AGXT: variants seen among roughly 807,000 people sequenced by gnomAD.
AGXT encodes L-alanine: glyoxylate aminotransferase 1.
A neutral mutation model predicts 46.9 loss-of-function variants in AGXT; 41 were observed. That is an observed-to-expected ratio of 0.88 (90% CI 0.68 to 1.14). The LOEUF (loss-of-function observed/expected upper bound fraction) is 1.14, where lower values mean the gene tolerates loss of function less well. Ranked by LOEUF, AGXT falls within the 50% of genes most tolerant of loss-of-function variation. The pLI is 0.00. For synonymous variants in AGXT, 244 were observed against 227.9 expected (o/e 1.07, Z -0.64); for missense variants, 525 against 522.7 (o/e 1.00, Z -0.04).
chr2:240,876,010 T>A lies in AGXT; in HGVS notation c.846+6T>A. 2 of 1,613,894 alleles carry A rather than the reference T, an allele frequency of 1.2e-6. No homozygotes were observed. Among genetic ancestry groups the A allele is most frequent in the Non-Finnish European group, 1.7e-6 (2 of 1,179,846 alleles). On this transcript the variant is annotated splice_donor_region_variant and intron_variant, in intron 8 of 10. Transcript: ENST00000307503. The stretch of plus-strand genomic sequence containing the variant: ...TGGCCCTCATTGCGGAACAGGTGCA[T>A]GGGCTGCACTCCACAGGAGGAGACA...
chr2:240,869,357 G>A lies in AGXT; in HGVS notation c.353G>A (p.Arg118His), dbSNP rs138025751. Residue 118 changes from arginine (R) to histidine (H), a missense_variant, in exon 2 of 11, where the codon CGC becomes CAC. Coordinates refer to ENST00000307503, the MANE Select transcript of AGXT (RefSeq NM_000030.3). ...WGQRAVDIGERIGARVHPMTK... is the reference protein window; with the variant it reads ...WGQRAVDIGEHIGARVHPMTK... ...CAGCGAGCCGTGGACATCGGGGAGC[G>A]CATAGGTAAGGGAGAGGCCCAGGTG... The A allele has an allele frequency of 3.8e-5, 61 of 1,589,976 alleles. No homozygotes were observed. The highest frequency in any genetic ancestry group is 1.7e-4 in the Middle Eastern group (1 of 5,922).
intron 2 of AGXT, 135 bp from the exon 3 acceptor site, chr2:240,870,509 C>T (rs751716977): frequency 3.1e-5 from 31 of 1,010,644 alleles, no homozygotes; most frequent in Non-Finnish European, 4.5e-5. Flanking sequence ...CCCTCCTCTT[C>T]AGGCAGGCAG....
At position 240,880,220 on chromosome 2, in the gene AGXT, C is replaced by T. The variant is rs1318051317; in HGVS notation, c.*1399C>T. 6.6e-6 allele frequency: 1 copy of T among 152,204 alleles called. No individual in the cohort carries two copies. Among genetic ancestry groups the T allele is most frequent in the Admixed American group, 6.5e-5 (1 of 15,286 alleles). The allele number at this position is 152,204 out of a possible 1,614,324, so 9.4% of individuals were successfully genotyped here. A position where few individuals can be genotyped will look rare whatever the true frequency, so the allele number is the denominator to read the frequency against. ...ACTGCCACGAAATTCTCCGAAGTGG[C>T]TCTTCCATGTTTCATTCCCGCAGCT... is the stretch of plus-strand genomic sequence containing the variant. On this transcript the variant is annotated 3_prime_UTR_variant, in exon 11 of 11. Transcript: ENST00000307503.
At chr2:240,871,544 G>C in intron 4 of AGXT, 95 bp downstream of exon 4, 1 of 1,136,610 alleles carries the variant, frequency 8.8e-7, no homozygotes, top group Non-Finnish European at 1.3e-6. Flanking sequence ...TCTGCCCCTG[G>C]TCCCCACCCC....
Position 240,878,016 on chromosome 2 carries a change from C to T in AGXT, c.943-6C>T, listed in dbSNP as rs1251940854. Reference sequence around the variant, plus strand: ...ACCCACGCACTGAGCCAGGCCCCTCCTGCAGGCGCTCCGGCTTCCCACAGT... The same window carrying T: ...ACCCACGCACTGAGCCAGGCCCCTCTTGCAGGCGCTCCGGCTTCCCACAGT... On this transcript the variant is annotated splice_region_variant and splice_polypyrimidine_tract_variant and intron_variant, in intron 9 of 10. Transcript: ENST00000307503. 2.5e-6 allele frequency: 4 copies of T among 1,610,672 alleles called. No homozygotes were observed. Among genetic ancestry groups the T allele is most frequent in the Admixed American group, 3.3e-5 (2 of 60,006 alleles).
Position 240,875,961 on chromosome 2 carries a change from G to A in AGXT, c.803G>A (p.Ser268Asn). 6.2e-7 allele frequency: 1 copy of A among 1,614,210 alleles called. No homozygotes were observed. The highest frequency in any genetic ancestry group is 8.5e-7 in the Non-Finnish European group (1 of 1,180,032). The part of the protein sequence containing the change: ...RMYHHTIPVI[S>N]LYSLRESLAL... ...TACCATCACACAATCCCCGTCATCAGCCTGTACAGCCTGAGAGAGAGCCTG... is the reference window on the plus strand; with the variant it reads ...TACCATCACACAATCCCCGTCATCAACCTGTACAGCCTGAGAGAGAGCCTG... Residue 268 changes from serine to asparagine, a missense_variant, in exon 8 of 11, where the codon AGC (serine) becomes AAC (asparagine). Physicochemically the swap from Ser to Asn is conservative, Grantham distance 46. Coordinates refer to ENST00000307503, the MANE Select transcript of AGXT (RefSeq NM_000030.3).
At position 240,870,672 on chromosome 2, in the gene AGXT, C is replaced by A; in HGVS notation, c.387C>A (p.Asp129Glu). The change falls in exon 3 of 11, where the codon GAC (aspartate) becomes GAA (glutamate). Residue 129 changes from aspartate to glutamate, a missense_variant. Coordinates refer to ENST00000307503, the MANE Select transcript of AGXT (RefSeq NM_000030.3). Reference sequence around the variant, plus strand: ...CCCGAGTGCACCCGATGACCAAGGACCCTGGAGGCCACTACACACTGCAGG... The same window carrying A: ...CCCGAGTGCACCCGATGACCAAGGAACCTGGAGGCCACTACACACTGCAGG... ...IGARVHPMTK[D>E]PGGHYTLQEV... is the part of the protein sequence containing the mutation. 1 of 1,555,954 alleles carries A rather than the reference C, an allele frequency of 6.4e-7. No individual in the cohort carries two copies.
chr2:240,878,484 C>A (rs936462755), intron 10 of AGXT, among the ~76,000 whole-genome samples: 4 of 152,344 alleles, frequency 2.6e-5, no homozygotes, highest in Non-Finnish European at 5.9e-5. Flanking sequence ...ACCTTCACTG[C>A]ACCACCCTGT....
At chr2:240,874,123 C>T (rs1430126059) in intron 6 of AGXT, 61 bp downstream of exon 6, 8 of 1,547,728 alleles carry the variant, frequency 5.2e-6, no homozygotes, top group Non-Finnish European at 7.1e-6. Flanking sequence ...GCTCAGGTGG[C>T]CCGAGGCGGG....
At position 240,878,014 on chromosome 2, in the gene AGXT, TCCTGCAG is replaced by T; in HGVS notation, c.943-7_943-1del. On this transcript the variant is annotated splice_acceptor_variant and splice_polypyrimidine_tract_variant and intron_variant, in intron 9 of 10. Coordinates refer to ENST00000307503, the MANE Select transcript of AGXT (RefSeq NM_000030.3). LOFTEE classifies it high-confidence loss of function. Reference sequence around the variant, plus strand: ...TCACCCACGCACTGAGCCAGGCCCCTCCTGCAGGCGCTCCGGCTTCCCACAGTCACCA... The same window carrying T: ...TCACCCACGCACTGAGCCAGGCCCCTGCGCTCCGGCTTCCCACAGTCACCA... 6.2e-7 allele frequency: 1 copy of T among 1,610,544 alleles called. No homozygotes were observed. The highest frequency in any genetic ancestry group is 8.5e-7 in the Non-Finnish European group (1 of 1,179,956).
In AGXT at chr2:240,868,999, T is replaced by C; in HGVS notation, c.134T>C (p.Met45Thr). Residue 45 changes from methionine to threonine, a missense_variant, in exon 1 of 11, where the codon ATG becomes ACG. By Grantham distance (81) the Met-to-Thr change is moderately conservative (BLOSUM62 -1). Coordinates refer to ENST00000307503, the MANE Select transcript of AGXT (RefSeq NM_000030.3). The stretch of plus-strand genomic sequence containing the variant: ...ATCATGGCAGCCGGGGGGCTGCAGA[T>C]GATCGGGTCCATGAGCAAGGATATG... ...PRIMAAGGLQ[M>T]IGSMSKDMYQ... 1 of 1,598,980 alleles carries C rather than the reference T, an allele frequency of 6.3e-7. No homozygotes were observed. Among genetic ancestry groups the C allele is most frequent in the South Asian group, 1.1e-5 (1 of 89,084 alleles).
At chr2:240,877,003 G>A in intron 8 of AGXT, 1 of 253,010 alleles carries the variant, frequency 4.0e-6, no homozygotes, top group South Asian at 4.7e-5. Flanking sequence ...GACCCACCTG[G>A]GGTGGCCATG....
chr2:240,877,694 C>T, intron 9 of AGXT, 62 bp downstream of exon 9: 1 of 1,507,288 alleles, frequency 6.6e-7, no homozygotes, highest in South Asian at 1.2e-5. Flanking sequence ...GGGCTCTTGC[C>T]CAGCCCCCTC....
At chr2:240,877,884 G>T in intron 9 of AGXT, 138 bp from the exon 10 acceptor site, 1 of 1,238,848 alleles carries the variant, frequency 8.1e-7, no homozygotes, top group Non-Finnish European at 1.1e-6. Context: ...TAAGGGGTGG[G>T]GTCCCTGCTC....
In AGXT at chr2:240,871,285, T is replaced by G. The variant is rs891120250; in HGVS notation, c.424-64T>G. The G allele has an allele frequency of 2.5e-4, 353 of 1,399,658 alleles. No homozygotes were observed. The African/African-American group carries it at 4.5e-3, about 18-fold the overall frequency. The allele number at this position is 1,399,658 out of a possible 1,614,324, so 86.7% of individuals were successfully genotyped here. On this transcript the variant is annotated intron_variant, in intron 3 of 10. Coordinates refer to ENST00000307503, the MANE Select transcript of AGXT (RefSeq NM_000030.3). Reference sequence around the variant, plus strand: ...CTGGAGCTGTGCCACCCATGGGGGGTTTGTGGGGGTGTTCTGGCCCCTGCC... The same window carrying G: ...CTGGAGCTGTGCCACCCATGGGGGGGTTGTGGGGGTGTTCTGGCCCCTGCC...
intron 6 of AGXT, 65 bp downstream of exon 6, chr2:240,874,127 A>AGG: frequency 2.0e-6 from 3 of 1,528,078 alleles, no homozygotes; most frequent in Non-Finnish European, 2.7e-6. Flanking sequence ...AGGTGGCCCG[A>AGG]GGCGGGAGGG....
At chr2:240,872,541 C>G (rs2058998099) in intron 4 of AGXT, among the ~76,000 whole-genome samples, 1 of 152,064 alleles carries the variant, frequency 6.6e-6, no homozygotes, top group African/African-American at 2.4e-5. Flanking sequence ...GACTCTGTCC[C>G]CTCTGGCCTA....
Position 240,869,046 on chromosome 2 carries a change from A to G in AGXT, c.165+16A>G, listed in dbSNP as rs66494441. 0.19 allele frequency: 303,528 copies of G among 1,609,108 alleles called. 30,255 individuals carry two copies. Among genetic ancestry groups the G allele is most frequent in the Non-Finnish European group, 0.21 (242,620 of 1,177,902 alleles). Reference sequence around the variant, plus strand: ...TATGTACCAGGTAGGAGTGGGGGTCACTCGGGGGGCCTGGGTCTCACCCAT... The same window carrying G: ...TATGTACCAGGTAGGAGTGGGGGTCGCTCGGGGGGCCTGGGTCTCACCCAT... On this transcript the variant is annotated intron_variant, in intron 1 of 10. Transcript: ENST00000307503.
chr2:240,878,106 T>C lies in AGXT; in HGVS notation c.1027T>C (p.Phe343Leu). ...CATCGTCAGCTACGTCATAGACCAC[T>C]TCGACATTGAGATCATGGGTGGCCT... ...RDIVSYVIDHFDIEIMGGLGP... is the reference protein window; with the variant it reads ...RDIVSYVIDHLDIEIMGGLGP... The change falls in exon 10 of 11, where the codon TTC (phenylalanine) becomes CTC (leucine). Residue 343 changes from phenylalanine to leucine, a missense_variant. Transcript: ENST00000307503. 1 of 1,613,342 alleles carries C rather than the reference T, an allele frequency of 6.2e-7. No homozygotes were observed. The highest frequency in any genetic ancestry group is 8.5e-7 in the Non-Finnish European group (1 of 1,179,992).
Sources: allele counts gnomAD v4.1 joint callset (sites outside exome capture counted in the v4.1 genomes callset), GRCh38; gene constraint gnomAD v4.1.1; transcripts MANE v1.5; gene names NCBI Gene and HGNC (gene_info 2026-07-23, HGNC 2026-07-21).